The following PDZD2 variants were observed in gnomAD, a reference collection of about 807,000 sequenced individuals.
PDZD2 encodes PDZ domain containing 2.
A neutral mutation model predicts 220.7 loss-of-function variants in PDZD2; 90 were observed. The ratio of observed to expected loss-of-function variants is 0.41; its 90% CI spans 0.34 to 0.49. The LOEUF is 0.49. PDZD2 is among the 20% of genes least tolerant of loss of function. PDZD2 has a pLI of 0.28. For synonymous variants in PDZD2, 1,375 were observed against 1,450.5 expected, an observed-to-expected ratio of 0.95 and a Z score of 1.18; for missense variants, 3,174 against 3,608.5, an observed-to-expected ratio of 0.88 and a Z score of 3.08.
intron 2 of PDZD2, among the ~76,000 whole-genome samples, chr5:31,919,882 T>G: frequency 1.3e-5 from 2 of 149,568 alleles, no homozygotes; most frequent in Admixed American, 6.7e-5. Flanking sequence ...GAACCAGGCG[T>G]GGTGGTGTGT....
chr5:32,005,699 C>T (rs1385100094), intron 5 of PDZD2, among the ~76,000 whole-genome samples: 1 of 152,132 alleles, frequency 6.6e-6, no homozygotes, highest in Non-Finnish European at 1.5e-5. Flanking sequence ...GGCATATATA[C>T]CCTGGAGGCA....
At chr5:31,655,557 AT>A (rs10713962) in intron 1 of PDZD2, among the ~76,000 whole-genome samples, 98,942 of 150,426 alleles carry the variant, frequency 0.66, 32,648 homozygotes, top group East Asian at 0.88. Flanking sequence ...CTATGAGGGT[AT>A]TTTTTTTTTT....
intron 2 of PDZD2, among the ~76,000 whole-genome samples, chr5:31,800,260 A>G (rs1754315694): frequency 6.6e-6 from 1 of 152,216 alleles, no homozygotes; most frequent in Admixed American, 6.5e-5. Flanking sequence ...ACATCAGCAA[A>G]TGTAAAAGAC....
At chr5:32,050,055 C>T (rs998000518) in intron 8 of PDZD2, among the ~76,000 whole-genome samples, 3 of 152,210 alleles carry the variant, frequency 2.0e-5, no homozygotes, top group African/African-American at 4.8e-5. Context: ...CTCAGCCTCT[C>T]AAGTACCTGG....
At chr5:32,091,279 C>CTTT (rs57254389) in intron 20 of PDZD2, 104 bp downstream of exon 20, 446 of 262,232 alleles carry the variant, frequency 1.7e-3, no homozygotes, top group South Asian at 2.5e-3. Context: ...TTCCCACTTA[C>CTTT]TTTTTTTTTT....
chr5:31,945,261 T>C (rs985813951), intron 2 of PDZD2, among the ~76,000 whole-genome samples: 1 of 152,184 alleles, frequency 6.6e-6, no homozygotes, highest in Admixed American at 6.5e-5. Flanking sequence ...GTGGCGCTTA[T>C]AAACAGAAAT....
chr5:31,774,702 A>G (rs1752538034), intron 1 of PDZD2, among the ~76,000 whole-genome samples: 1 of 152,084 alleles, frequency 6.6e-6, no homozygotes, highest in African/African-American at 2.4e-5. Flanking sequence ...CTGTGAAACA[A>G]GAGCAAAACT....
chr5:31,977,670 G>A (rs988665552), intron 2 of PDZD2, among the ~76,000 whole-genome samples: 2 of 152,112 alleles, frequency 1.3e-5, no homozygotes, highest in African/African-American at 2.4e-5. Context: ...AATAGGCCTG[G>A]TGAGGTAAAG....
At position 31,890,688 on chromosome 5, in the gene PDZD2, CT is replaced by C. The variant is rs576840581; in HGVS notation, c.476+90965del. Among the ~76,000 whole-genome samples, 365 of 152,276 alleles carry C rather than the reference CT, an allele frequency of 2.4e-3. 2 individuals carry two copies. Among genetic ancestry groups the C allele is most frequent in the African/African-American group, 8.3e-3 (347 of 41,558 alleles). On this transcript the variant is annotated intron_variant, in intron 2 of 24. Transcript: ENST00000438447. ...GGCTGTGGGCTGTGTATTTAATCTT[CT>C]CCTTTTAAATCAAACAGGCTTAATG...
chr5:31,976,058 CTT>C (rs1292197380), intron 2 of PDZD2, among the ~76,000 whole-genome samples: 2 of 151,944 alleles, frequency 1.3e-5, no homozygotes. Context: ...AAAATTCCAC[CTT>C]GAGTCCCCTA....
intron 1 of PDZD2, among the ~76,000 whole-genome samples, chr5:31,791,636 T>G (rs963206282): frequency 2.5e-4 from 35 of 141,264 alleles, no homozygotes; most frequent in Admixed American, 7.1e-4. Flanking sequence ...AAAAAGCACC[T>G]ACCAATATTC....
At chr5:31,976,166 C>A (rs1460349800) in intron 2 of PDZD2, among the ~76,000 whole-genome samples, 4 of 152,100 alleles carry the variant, frequency 2.6e-5, no homozygotes, top group African/African-American at 7.2e-5. Context: ...CCCTTGGCAA[C>A]CTGGGTCCCA....
At chr5:31,828,591 G>T (rs1221170516) in intron 2 of PDZD2, among the ~76,000 whole-genome samples, 1 of 152,114 alleles carries the variant, frequency 6.6e-6, no homozygotes. Context: ...AACCTCCTGG[G>T]CTCCAGCAAT....
intron 20 of PDZD2, 82 bp from the exon 21 acceptor site, chr5:32,092,822 AAGG>A: frequency 1.5e-6 from 1 of 662,690 alleles, no homozygotes; most frequent in South Asian, 2.0e-5. Flanking sequence ...GTATAGTAGA[AAGG>A]AGATCATTTT....
At chr5:31,795,406 A>G (rs372669936) in intron 1 of PDZD2, among the ~76,000 whole-genome samples, 8 of 152,240 alleles carry the variant, frequency 5.3e-5, no homozygotes, top group African/African-American at 1.9e-4. Flanking sequence ...AGCAGCTTCA[A>G]GCGATTCAAA....
chr5:31,803,266 T>TTC (rs1267910370), intron 2 of PDZD2, among the ~76,000 whole-genome samples: 1 of 141,560 alleles, frequency 7.1e-6, no homozygotes, highest in Non-Finnish European at 1.5e-5. Context: ...TCTGGCTTTT[T>TTC]TTTTTTTTTT....
intron 2 of PDZD2, among the ~76,000 whole-genome samples, chr5:31,875,020 A>G (rs1739181052): frequency 6.6e-6 from 1 of 152,174 alleles, no homozygotes; most frequent in Non-Finnish European, 1.5e-5. Flanking sequence ...AAGCATGTGC[A>G]TTTTTATGTG....
chr5:31,725,925 GC>G (rs1311168677), intron 1 of PDZD2: 6 of 678,822 alleles, frequency 8.8e-6, no homozygotes, highest in Non-Finnish European at 1.1e-5. Context: ...TCCTCCAGCT[GC>G]CTGGGTCTCC....
intron 2 of PDZD2, among the ~76,000 whole-genome samples, chr5:31,954,927 A>G (rs1450735755): frequency 6.6e-6 from 1 of 151,698 alleles, no homozygotes; most frequent in East Asian, 1.9e-4. Context: ...ACAGAGAGAG[A>G]CTCTGTCTCA....
Sources: allele counts gnomAD v4.1 joint callset (sites outside exome capture counted in the v4.1 genomes callset), GRCh38; gene constraint gnomAD v4.1.1; transcripts MANE v1.5; gene names NCBI Gene and HGNC (gene_info 2026-07-23, HGNC 2026-07-21).